FRMD5: variants seen among roughly 807,000 people sequenced by gnomAD.
FRMD5 encodes FERM domain containing 5, also known as FERM domain-containing protein 5.
FRMD5 carries 20 observed loss-of-function variants against 69.0 expected under a neutral mutation model. That is an observed-to-expected ratio of 0.29 (90% CI 0.20 to 0.42). FRMD5 has a LOEUF of 0.42. Ranked by LOEUF, FRMD5 falls within the 10% of genes least tolerant of loss-of-function variation. The pLI, the probability that FRMD5 is intolerant of heterozygous loss-of-function variation, is 1.00. For synonymous variants in FRMD5, 271 were observed against 260.1 expected, an observed-to-expected ratio of 1.04 and a Z score of -0.40; for missense variants, 595 against 708.6, an observed-to-expected ratio of 0.84 and a Z score of 1.82.
At chr15:44,187,147 A>C (rs2078115426) in intron 1 of FRMD5, among the ~76,000 whole-genome samples, 1 of 152,202 alleles carries the variant, frequency 6.6e-6, no homozygotes. Flanking sequence ...CAGATGATTA[A>C]ACTGATCCTG....
At chr15:44,138,975 T>C (rs938542494) in intron 1 of FRMD5, among the ~76,000 whole-genome samples, 7 of 152,104 alleles carry the variant, frequency 4.6e-5, no homozygotes, top group African/African-American at 9.7e-5. Context: ...GCCAGCACTG[T>C]TGGTGAGCAC....
intron 13 of FRMD5, among the ~76,000 whole-genome samples, chr15:43,875,390 A>ATATATATATATATG (rs1385798025): frequency 4.9e-4 from 61 of 124,716 alleles, no homozygotes; most frequent in East Asian, 3.2e-3. Flanking sequence ...ATATATATAT[A>ATATATATATATATG]TATGTATGTA....
At chr15:44,170,811 T>C (rs563828555) in intron 1 of FRMD5, among the ~76,000 whole-genome samples, 1 of 152,332 alleles carries the variant, frequency 6.6e-6, no homozygotes, top group East Asian at 1.9e-4. Context: ...ACAACACCTA[T>C]AACATGAAAA....
chr15:44,050,734 T>G (rs1595671434), intron 1 of FRMD5, among the ~76,000 whole-genome samples: 1 of 151,322 alleles, frequency 6.6e-6, no homozygotes, highest in South Asian at 2.1e-4. Context: ...CTCAGCTCAC[T>G]GCAACCTCTG....
intron 1 of FRMD5, among the ~76,000 whole-genome samples, chr15:44,042,547 G>C (rs1892245889): frequency 6.6e-6 from 1 of 152,166 alleles, no homozygotes; most frequent in Admixed American, 6.6e-5. Context: ...CTGGCAAACT[G>C]AATCCAGCAG....
intron 12 of FRMD5, among the ~76,000 whole-genome samples, chr15:43,884,415 T>C (rs1158786940): frequency 6.6e-6 from 1 of 152,156 alleles, no homozygotes; most frequent in Non-Finnish European, 1.5e-5. Context: ...GATCGACTGG[T>C]TCCAGAACCA....
chr15:44,175,181 T>C (rs188926768), intron 1 of FRMD5, among the ~76,000 whole-genome samples: 1 of 152,296 alleles, frequency 6.6e-6, no homozygotes, highest in East Asian at 1.9e-4. Flanking sequence ...ACTGATAAAA[T>C]GTAGAGCCCT....
At chr15:44,097,705 A>G (rs1362480366) in intron 1 of FRMD5, among the ~76,000 whole-genome samples, 2 of 152,204 alleles carry the variant, frequency 1.3e-5, no homozygotes, top group Non-Finnish European at 2.9e-5. Context: ...TTCCGTGGGC[A>G]GAAGGACTGC....
chr15:44,006,036 C>A (rs1890431528), intron 1 of FRMD5, among the ~76,000 whole-genome samples: 1 of 152,198 alleles, frequency 6.6e-6, no homozygotes, highest in African/African-American at 2.4e-5. Flanking sequence ...GAAGAAGATG[C>A]CATCTAGGAC....
intron 13 of FRMD5, among the ~76,000 whole-genome samples, chr15:43,878,927 C>A (rs111345532): frequency 3.0e-5 from 4 of 132,632 alleles, no homozygotes; most frequent in Non-Finnish European, 4.9e-5. Context: ...TTTTTTTTTT[C>A]TTTTCTTTTT....
intron 1 of FRMD5, among the ~76,000 whole-genome samples, chr15:44,127,289 G>T (rs981342355): frequency 7.9e-5 from 12 of 152,122 alleles, no homozygotes; most frequent in African/African-American, 2.4e-4. Context: ...ACAGGGTTTC[G>T]CCATGTTGGC....
upstream of FRMD5, among the ~76,000 whole-genome samples, chr15:44,196,747 T>C (rs1043033915): frequency 3.1e-4 from 37 of 121,238 alleles, 1 homozygote; most frequent in African/African-American, 1.2e-3. Flanking sequence ...TCTCTCTCTC[T>C]CTCTTTCTCT....
At chr15:43,905,684 A>G (rs1362800612) in intron 6 of FRMD5, 144 bp downstream of exon 6, 10 of 999,172 alleles carry the variant, frequency 1.0e-5, no homozygotes, top group Middle Eastern at 3.3e-4. Context: ...ATCACTGACA[A>G]TGGTACATCC....
chr15:43,938,048 G>A (rs1030601118), intron 1 of FRMD5, among the ~76,000 whole-genome samples: 1 of 151,806 alleles, frequency 6.6e-6, no homozygotes, highest in East Asian at 1.9e-4. Flanking sequence ...TGGCTAACAC[G>A]GTGAAACTCT....
chr15:43,941,590 GT>G (rs1566849585), intron 1 of FRMD5, among the ~76,000 whole-genome samples: 1 of 152,162 alleles, frequency 6.6e-6, no homozygotes, highest in Non-Finnish European at 1.5e-5. Context: ...ACTCCTTCTG[GT>G]ATGCCCACTT....
chr15:44,144,299 T>C (rs1399011704), intron 1 of FRMD5, among the ~76,000 whole-genome samples: 1 of 152,222 alleles, frequency 6.6e-6, no homozygotes, highest in Non-Finnish European at 1.5e-5. Context: ...GAAAAGGAAC[T>C]TGTAAGTAAA....
At position 43,924,815 on chromosome 15, in the gene FRMD5, G is replaced by A. The variant is rs116675396; in HGVS notation, c.103-506C>T. ...CTCTTGCCCTTTCAGTCCATTCTCC[G>A]CACAGCAATGAGGGTGTCCACAATT... On this transcript the variant is annotated intron_variant, in intron 1 of 13. Coordinates refer to ENST00000417257, the MANE Select transcript of FRMD5 (RefSeq NM_032892.5). 5.4e-3 allele frequency among the ~76,000 whole-genome samples: 819 copies of A among 152,130 alleles called. 10 individuals carry two copies. Among genetic ancestry groups the A allele is most frequent in the African/African-American group, 0.019 (791 of 41,480 alleles).
In FRMD5 at chr15:43,875,931, A is replaced by G; in HGVS notation, c.1136-1469T>C. ...GTCTGTAAACACAGGCTTATCCATC[A>G]CACTTATAGGCAAGGCAAATGCTGC... On this transcript the variant is annotated intron_variant, in intron 13 of 13. Transcript: ENST00000417257. The G allele has an allele frequency of 2.6e-6, 3 of 1,168,514 alleles. No homozygotes were observed. The South Asian group carries it at 3.7e-5, about 14-fold the overall frequency. The allele number at this position is 1,168,514 out of a possible 1,614,324, so 72.4% of individuals were successfully genotyped here.
intron 1 of FRMD5, among the ~76,000 whole-genome samples, chr15:43,972,352 T>C (rs1461362717): frequency 6.6e-6 from 1 of 152,136 alleles, no homozygotes; most frequent in Non-Finnish European, 1.5e-5. Flanking sequence ...TTGGGTTAAA[T>C]GGAATTTGTT....
Sources: gnomAD v4.1 joint callset for allele counts (sites outside exome capture counted in the v4.1 genomes callset) on GRCh38, gnomAD v4.1.1 for gene constraint, MANE v1.5 for transcripts, NCBI Gene and HGNC (gene_info 2026-07-23, HGNC 2026-07-21) for gene names.